Variants in ELF3 observed in about 807,000 individuals in gnomAD.
The protein encoded by ELF3 is E74 like ETS transcription factor 3, also known as ETS-related transcription factor Elf-3.
A neutral mutation model predicts 43.9 loss-of-function variants in ELF3; 18 were observed. The observed-to-expected ratio is 0.41, with a 90% CI of 0.28 to 0.61. The LOEUF is 0.61. ELF3 is among the 20% of genes least tolerant of loss of function. The pLI is 0.30. For missense variants in ELF3, 373 were observed against 487.7 expected, an observed-to-expected ratio of 0.76 and a Z score of 2.21; for synonymous variants, 181 against 190.2, an observed-to-expected ratio of 0.95 and a Z score of 0.40.
Position 202,013,355 on chromosome 1 carries a change from C to T in ELF3, c.805+57C>T, listed in dbSNP as rs1234901358. On this transcript the variant is annotated intron_variant, in intron 7 of 8. Coordinates refer to ENST00000367284, the MANE Select transcript of ELF3 (RefSeq NM_004433.5). This position sits in a 1 kb window ranked among gnomAD's most constrained non-coding sequence, Gnocchi z 5.7. ...CGCCGGGCTGAGCGGCTTCCTGGGG[C>T]ACTGCGGGTTGTTGCAGGTATCCCT... The T allele has an allele frequency of 2.6e-6, 4 of 1,553,084 alleles. No homozygotes were observed. The highest frequency in any genetic ancestry group is 3.5e-6 in the Non-Finnish European group (4 of 1,131,752).
chr1:202,012,812 C>A lies in ELF3; in HGVS notation c.598+53C>A. 2.0e-6 allele frequency: 3 copies of A among 1,536,342 alleles called. No homozygotes were observed. Among genetic ancestry groups the A allele is most frequent in the Non-Finnish European group, 2.6e-6 (3 of 1,141,832 alleles). On this transcript the variant is annotated intron_variant, in intron 5 of 8. Coordinates refer to ENST00000367284, the MANE Select transcript of ELF3 (RefSeq NM_004433.5). This position sits in a 1 kb window ranked among gnomAD's most constrained non-coding sequence, Gnocchi z 4.2. The stretch of plus-strand genomic sequence containing the variant: ...CCCTTCCCCGAAGTGTCCCTTGTTC[C>A]CTCTGGCTCCCAGCACCATAACTCA...
chr1:202,012,091 G>T lies in ELF3; in HGVS notation c.298G>T (p.Ala100Ser). 6.2e-7 allele frequency: 1 copy of T among 1,614,154 alleles called. No homozygotes were observed. Among genetic ancestry groups the T allele is most frequent in the Non-Finnish European group, 8.5e-7 (1 of 1,180,040 alleles). Residue 100 changes from alanine (A) to serine (S), a missense_variant, in exon 3 of 9, where the codon GCC becomes TCC. Transcript: ENST00000367284. The surrounding 1 kb of genome is among the most constrained non-coding windows in gnomAD (Gnocchi z 4.2). ...CTTCTCACGATGTGACATGGATGGC[G>T]CCACCCTCTGCAATTGTGCCCTTGA... ...IDFSRCDMDG[A>S]TLCNCALEEL...
chr1:202,014,168 C>A, intron 8 of ELF3, 144 bp downstream of exon 8: 3 of 987,248 alleles, frequency 3.0e-6, no homozygotes, highest in Non-Finnish European at 4.4e-6. Context: ...GGTTGGTCTA[C>A]TTCATGGATT....
At position 202,015,497 on chromosome 1, in the gene ELF3, T is replaced by C. The variant is rs1571663903; in HGVS notation, c.*174T>C. On this transcript the variant is annotated 3_prime_UTR_variant, in exon 9 of 9. Coordinates refer to ENST00000367284, the MANE Select transcript of ELF3 (RefSeq NM_004433.5). Reference sequence around the variant, plus strand: ...CCATCGTCCTGGGACTCGGAGACTATGGCCTCGCCTCCCCACCCTCCTCTT... The same window carrying C: ...CCATCGTCCTGGGACTCGGAGACTACGGCCTCGCCTCCCCACCCTCCTCTT... 4.7e-6 allele frequency: 3 copies of C among 633,894 alleles called. No individual in the cohort carries two copies. The highest frequency in any genetic ancestry group is 2.8e-5 in the Admixed American group (1 of 35,644). 39.3% of individuals were successfully genotyped at this position (633,894 alleles called of 1,614,324 possible).
rs926173181 is a variant in ELF3 at position 202,016,418 on chromosome 1, T to C, written c.*1095T>C. The C allele has an allele frequency of 6.6e-6, 1 of 151,770 alleles. No individual in the cohort carries two copies. Among genetic ancestry groups the C allele is most frequent in the African/African-American group, 2.4e-5 (1 of 41,274 alleles). The allele number at this position is 151,770 out of a possible 1,614,324, so 9.4% of individuals were successfully genotyped here. A position where few individuals can be genotyped will look rare whatever the true frequency, so the allele number is the denominator to read the frequency against. ...GAATTGCATGGCTGGCCTTGTGGAA[T>C]AGATGGTTTTGCATTCCAGCCAAGT... On this transcript the variant is annotated 3_prime_UTR_variant, in exon 9 of 9. Coordinates refer to ENST00000367284, the MANE Select transcript of ELF3 (RefSeq NM_004433.5).
Position 202,015,553 on chromosome 1 carries a change from C to G in ELF3, c.*230C>G. On this transcript the variant is annotated 3_prime_UTR_variant, in exon 9 of 9. Coordinates refer to ENST00000367284, the MANE Select transcript of ELF3 (RefSeq NM_004433.5). ...TACAAGCCCTGGGGTTTGAAGCTGA[C>G]TTTATAGCTGCAAGTGTATCTCCTT... 1 of 543,372 alleles carries G rather than the reference C, an allele frequency of 1.8e-6. No individual in the cohort carries two copies. Among genetic ancestry groups the G allele is most frequent in the East Asian group, 3.1e-5 (1 of 31,836 alleles). 33.7% of individuals were successfully genotyped at this position (543,372 alleles called of 1,614,324 possible).
In ELF3 at chr1:202,013,257, A is replaced by C; in HGVS notation, c.764A>C (p.Lys255Thr). 6.2e-7 allele frequency: 1 copy of C among 1,614,184 alleles called. No individual in the cohort carries two copies. Among genetic ancestry groups the C allele is most frequent in the Non-Finnish European group, 8.5e-7 (1 of 1,180,036 alleles). Residue 255 changes from lysine (K) to threonine (T), a missense_variant, in exon 7 of 9, where the codon AAA (lysine) becomes ACA (threonine). Physicochemically the swap from Lys to Thr is moderately conservative, Grantham distance 78 (BLOSUM62 -1). This residue lies in a region of ELF3 where 311 missense variants were observed against 351.2 expected (regional missense o/e 0.89). Transcript: ENST00000367284. This position sits in a 1 kb window ranked among gnomAD's most constrained non-coding sequence, Gnocchi z 5.7. ...CGAGGCCGGCCCCGAAAGCTGAGCA[A>C]AGAGTACTGGGACTGTCTCGAGGGC... ...RKRGRPRKLS[K>T]EYWDCLEGKK...
intron 8 of ELF3, 113 bp from the exon 9 acceptor site, chr1:202,015,096 C>T: frequency 1.0e-6 from 1 of 986,634 alleles, no homozygotes; most frequent in Non-Finnish European, 1.6e-6. Flanking sequence ...CTTAGTCAGG[C>T]AGAGACCAGT....
rs1445321449 is a variant in ELF3 at position 202,011,147 on chromosome 1, C to A, written c.11C>A (p.Thr4Asn). The change falls in exon 2 of 9, where the codon ACC becomes AAC. Residue 4 changes from threonine to asparagine, a missense_variant. By Grantham distance (65) the Thr-to-Asn change is moderately conservative. Around this residue, in one of 3 missense-constraint regions of ELF3, gnomAD observed 311 missense variants for 351.2 expected, o/e 0.89. Coordinates refer to ENST00000367284, the MANE Select transcript of ELF3 (RefSeq NM_004433.5). MAATCEISNIFSNY... is the reference protein window; with the variant it reads MAANCEISNIFSNY... ...CCCACAGGTAGCCTCATGGCTGCAACCTGTGAGATTAGCAACATTTTTAGC... is the reference window on the plus strand; with the variant it reads ...CCCACAGGTAGCCTCATGGCTGCAAACTGTGAGATTAGCAACATTTTTAGC... 2.5e-6 allele frequency: 4 copies of A among 1,614,140 alleles called. No individual in the cohort carries two copies. In the East Asian group the frequency reaches 8.9e-5, roughly 36 times the overall value.
Position 202,011,894 on chromosome 1 carries a change from A to AG in ELF3, c.164-63_164-62insG. ...CTCCATCTCAAAAAAAAAAAAAAAA[A>AG]TGGGGCTGTAAGGTCTGCTGGGTGG... On this transcript the variant is annotated intron_variant, in intron 2 of 8. Transcript: ENST00000367284. The AG allele has an allele frequency of 2.0e-6, 3 of 1,475,974 alleles. No homozygotes were observed. The South Asian group carries it at 3.7e-5, about 18-fold the overall frequency. 91.4% of individuals were successfully genotyped at this position (1,475,974 alleles called of 1,614,324 possible).
At chr1:202,011,375 A>T (rs569943906) in intron 2 of ELF3, 76 bp downstream of exon 2, 20 of 1,481,750 alleles carry the variant, frequency 1.3e-5, no homozygotes, top group Non-Finnish European at 1.8e-5. Context: ...CAAATGGGGG[A>T]ATAGGCAGGG....
chr1:202,012,420 A>G lies in ELF3; in HGVS notation c.462A>G (p.Leu154=), dbSNP rs1684223624. 2 of 1,614,030 alleles carry G rather than the reference A, an allele frequency of 1.2e-6. No individual in the cohort carries two copies. Among genetic ancestry groups the G allele is most frequent in the Non-Finnish European group, 1.7e-6 (2 of 1,179,968 alleles). ...ATGGCATGGCCTTCCAGGAGGCCCT[A>G]GACCCAGGGCCCTTTGGTGAGAACC... is the stretch of plus-strand genomic sequence containing the variant. ...EKDGMAFQEA[L]DPGPFDQGSP... The change falls in exon 4 of 9, where the codon CTA becomes CTG. Residue 154 remains leucine, a synonymous_variant. Transcript: ENST00000367284. This position sits in a 1 kb window ranked among gnomAD's most constrained non-coding sequence, Gnocchi z 4.2.
Position 202,012,001 on chromosome 1 carries a change from A to G in ELF3, c.208A>G (p.Thr70Ala), listed in dbSNP as rs35303464. ...LGEQPQFWSK[T>A]QVLDWISYQV... ...GGAACAGCCCCAGTTCTGGTCGAAG[A>G]CGCAGGTTCTGGACTGGATCAGCTA... The change falls in exon 3 of 9, where the codon ACG (threonine) becomes GCG (alanine). Residue 70 changes from threonine (T) to alanine (A), a missense_variant. Thr to Ala is a moderately conservative substitution (Grantham distance 58, BLOSUM62 0). Coordinates refer to ENST00000367284, the MANE Select transcript of ELF3 (RefSeq NM_004433.5). This position sits in a 1 kb window ranked among gnomAD's most constrained non-coding sequence, Gnocchi z 4.2. The G allele has an allele frequency of 5.7e-4, 914 of 1,614,124 alleles. 10 individuals are homozygous for G. The African/African-American group carries it at 0.01, about 18-fold the overall frequency.
Position 202,015,204 on chromosome 1 carries a change from C to T in ELF3, c.1002-5C>T, listed in dbSNP as rs779788211. On this transcript the variant is annotated splice_region_variant and splice_polypyrimidine_tract_variant and intron_variant, in intron 8 of 8. Coordinates refer to ENST00000367284, the MANE Select transcript of ELF3 (RefSeq NM_004433.5). ...GCACCTCTGACCATCCTTCTCTTCA[C>T]CCAGGTACTACTACAAACGGGAGAT... 1.7e-5 allele frequency: 27 copies of T among 1,613,864 alleles called. No individual in the cohort carries two copies. Among genetic ancestry groups the T allele is most frequent in the Non-Finnish European group, 2.2e-5 (26 of 1,179,948 alleles).
In ELF3 at chr1:202,012,460, T is replaced by C. The variant is rs761836259; in HGVS notation, c.478+24T>C. 6.2e-7 allele frequency: 1 copy of C among 1,611,890 alleles called. No homozygotes were observed. Among genetic ancestry groups the C allele is most frequent in the Non-Finnish European group, 8.5e-7 (1 of 1,178,766 alleles). On this transcript the variant is annotated intron_variant, in intron 4 of 8. Transcript: ENST00000367284. This position sits in a 1 kb window ranked among gnomAD's most constrained non-coding sequence, Gnocchi z 4.2. ...TGGTGAGAACCCGTTTTCTCCTTCC[T>C]TCCCCAGCCTGTCTTGTCCCATCCC...
rs372230029 is a variant in ELF3, at chr1:202,014,035, G to A, written c.1001+11G>A. On this transcript the variant is annotated intron_variant, in intron 8 of 8. Transcript: ENST00000367284. ...GAGCCGGGCCATGAGGTGAGCTGGC[G>A]GCCAGGACCCTCACGATACAGCCGG... 1.4e-5 allele frequency: 23 copies of A among 1,600,988 alleles called. No individual in the cohort carries two copies. The highest frequency in any genetic ancestry group is 1.7e-4 in the Middle Eastern group (1 of 6,046).
chr1:202,011,382 A>G, intron 2 of ELF3, 83 bp downstream of exon 2: 1 of 1,470,042 alleles, frequency 6.8e-7, no homozygotes, highest in Non-Finnish European at 9.0e-7. Context: ...GGGAATAGGC[A>G]GGGAGGAGGG....
In ELF3 at chr1:202,010,987, G is replaced by T. The variant is rs1351247059; in HGVS notation, c.-8-142G>T. 8 of 847,410 alleles carry T rather than the reference G, an allele frequency of 9.4e-6. No homozygotes were observed. In the African/African-American group the frequency reaches 1.4e-4, roughly 15 times the overall value. 52.5% of individuals were successfully genotyped at this position (847,410 alleles called of 1,614,324 possible). A position where few individuals can be genotyped will look rare whatever the true frequency, so the allele number is the denominator to read the frequency against. On this transcript the variant is annotated intron_variant, in intron 1 of 8. Transcript: ENST00000367284. This position sits in a 1 kb window ranked among gnomAD's most constrained non-coding sequence, Gnocchi z 4.3. Reference sequence around the variant, plus strand: ...CTGAGATCTTGGAGCCCTTCTTGAAGAGACGGTGTCCGCAGAGTTGCTGAT... The same window carrying T: ...CTGAGATCTTGGAGCCCTTCTTGAATAGACGGTGTCCGCAGAGTTGCTGAT...
chr1:202,010,688 G>GCCGGACTCCGCCACT lies in ELF3; in HGVS notation c.-22_-9+1dup, dbSNP rs1684171101. The GCCGGACTCCGCCACT allele has an allele frequency of 6.2e-6, 1 of 160,790 alleles. No homozygotes were observed. Among genetic ancestry groups the GCCGGACTCCGCCACT allele is most frequent in the Non-Finnish European group, 1.4e-5 (1 of 73,114 alleles). 10.0% of individuals were successfully genotyped at this position (160,790 alleles called of 1,614,324 possible). A position where few individuals can be genotyped will look rare whatever the true frequency, so the allele number is the denominator to read the frequency against. On this transcript the variant is annotated 5_prime_UTR_variant, in exon 1 of 9. Transcript: ENST00000367284. This position sits in a 1 kb window ranked among gnomAD's most constrained non-coding sequence, Gnocchi z 4.3. ...CCCGCCTGCCGGCCTGCCTGCCACAGCCGGACTCCGCCACTCCGGTAGGAT... is the reference window on the plus strand; with the variant it reads ...CCCGCCTGCCGGCCTGCCTGCCACAGCCGGACTCCGCCACTCCGGACTCCGCCACTCCGGTAGGAT...
Sources: allele counts gnomAD v4.1 joint callset, GRCh38; gene constraint gnomAD v4.1.1; regional missense constraint gnomAD v4.1.1; non-coding constraint Gnocchi (gnomAD v3.1); transcripts MANE v1.5; gene names NCBI Gene and HGNC (gene_info 2026-07-23, HGNC 2026-07-21).